Variants in SKIDA1 observed in about 807,000 individuals in gnomAD.
SKIDA1 encodes the protein SKI/DACH domain-containing protein 1.
Under a neutral mutation model 51.4 loss-of-function variants are expected in SKIDA1, and 18 were observed. The ratio of observed to expected loss-of-function variants is 0.35; its 90% confidence interval spans 0.24 to 0.52. The LOEUF (loss-of-function observed/expected upper bound fraction) is 0.52. SKIDA1 is among the 20% of genes least tolerant of loss of function. The pLI is 0.95. For missense variants in SKIDA1, 1,104 were observed against 1,180.6 expected, an observed-to-expected ratio of 0.94 and a Z score of 0.95; for synonymous variants, 579 against 500.5, an observed-to-expected ratio of 1.16 and a Z score of -2.09.
At chr10:21,521,089 A>ACAC (rs71667086) in intron 3 of SKIDA1, among the ~76,000 whole-genome samples, 15 of 48,558 alleles carry the variant, frequency 3.1e-4, no homozygotes, top group South Asian at 1.3e-3. Flanking sequence ...CACACACACA[A>ACAC]ACACAGAATG....
intron 2 of SKIDA1, among the ~76,000 whole-genome samples, chr10:21,521,768 C>A (rs1192718319): frequency 6.6e-6 from 1 of 152,144 alleles, no homozygotes; most frequent in Non-Finnish European, 1.5e-5. Flanking sequence ...AACAAAGCTG[C>A]TTGCAAAAGG....
chr10:21,522,266 A>C (rs1420897721), intron 2 of SKIDA1, among the ~76,000 whole-genome samples: 1,026 of 30,372 alleles, frequency 0.034, 2 homozygotes, highest in East Asian at 0.058. Flanking sequence ...GATCACAGCC[A>C]CCCCCCCCCC....
chr10:21,515,226 G>A lies in SKIDA1; in HGVS notation c.2597C>T (p.Pro866Leu). 1 of 1,613,850 alleles carries A rather than the reference G, an allele frequency of 6.2e-7. No individual in the cohort carries two copies. Among genetic ancestry groups the A allele is most frequent in the Non-Finnish European group, 8.5e-7 (1 of 1,179,848 alleles). ...CTTAGTGGTGTTTAAGGAATACGCC[G>A]GCCACAAATCCCCATCTCTCCCAAT... is the stretch of plus-strand genomic sequence containing the variant. ...LIIGRDGDLWPAYSLNTTKDS... is the reference protein window; with the variant it reads ...LIIGRDGDLWLAYSLNTTKDS... The change falls in exon 4 of 4, where the codon CCG becomes CTG. Residue 866 changes from proline to leucine, a missense_variant. Coordinates refer to ENST00000449193, the MANE Select transcript of SKIDA1 (RefSeq NM_207371.4).
Position 21,525,625 on chromosome 10 carries a change from GGAGGAGA to G in SKIDA1, c.-2203_-2197del, listed in dbSNP as rs2032709280. On this transcript the variant is annotated 5_prime_UTR_variant, in exon 1 of 4. Transcript: ENST00000449193. ...GTCAAGAACCGCAGCAAGAGGAAGG[GGAGGAGA>G]GAGGAGAGGGAGGAGTAAATTCAAC... 6.6e-6 allele frequency: 1 copy of G among 152,484 alleles called. No individual in the cohort carries two copies. Among genetic ancestry groups the G allele is most frequent in the Non-Finnish European group, 1.5e-5 (1 of 68,208 alleles). 9.4% of individuals were successfully genotyped at this position (152,484 alleles called of 1,614,324 possible). A position where few individuals can be genotyped will look rare whatever the true frequency, so the allele number is the denominator to read the frequency against.
intron 3 of SKIDA1, among the ~76,000 whole-genome samples, chr10:21,520,273 A>G (rs909927328): frequency 6.6e-6 from 1 of 152,170 alleles, no homozygotes; most frequent in African/African-American, 2.4e-5. Flanking sequence ...GATCTATTAC[A>G]CCGTGTTTTT....
rs1477002614 is a variant in SKIDA1, at chr10:21,516,917, C to G, written c.906G>C (p.Lys302Asn). The G allele has an allele frequency of 3.4e-6, 4 of 1,169,604 alleles. No individual in the cohort carries two copies. Among genetic ancestry groups the G allele is most frequent in the Non-Finnish European group, 3.2e-6 (3 of 951,424 alleles). 72.5% of individuals were successfully genotyped at this position (1,169,604 alleles called of 1,614,324 possible). ...CCGCCGCCGCCGCCGCCGCCGCCGC[C>G]TTGGCTTTGTAGGACCTGGGCAACA... ...LLLLPRSYKAKAAAAAAAAAA... is the reference protein window; with the variant it reads ...LLLLPRSYKANAAAAAAAAAA... The change falls in exon 4 of 4, where the codon AAG (lysine) becomes AAC (asparagine). Residue 302 changes from lysine (K) to asparagine (N), a missense_variant. Physicochemically the swap from Lys to Asn is moderately conservative, Grantham distance 94. Coordinates refer to ENST00000449193, the MANE Select transcript of SKIDA1 (RefSeq NM_207371.4). This position sits in a 1 kb window ranked among gnomAD's most constrained non-coding sequence, Gnocchi z 5.7.
At position 21,517,915 on chromosome 10, in the gene SKIDA1, C is replaced by A; in HGVS notation, c.-93G>T. On this transcript the variant is annotated 5_prime_UTR_variant, in exon 4 of 4. Transcript: ENST00000449193. The surrounding 1 kb of genome is among the most constrained non-coding windows in gnomAD (Gnocchi z 6.9). ...TATGTTAATCCTCAGCCAGATGCTG[C>A]GTGTGTCTCAAGGCATCCTGCTAAT... The A allele has an allele frequency of 8.5e-7, 1 of 1,179,492 alleles. No individual in the cohort carries two copies. Among genetic ancestry groups the A allele is most frequent in the Non-Finnish European group, 1.2e-6 (1 of 868,944 alleles). 73.1% of individuals were successfully genotyped at this position (1,179,492 alleles called of 1,614,324 possible).
At position 21,517,004 on chromosome 10, in the gene SKIDA1, G is replaced by A; in HGVS notation, c.819C>T (p.Arg273=). 1.8e-6 allele frequency: 2 copies of A among 1,122,210 alleles called. No individual in the cohort carries two copies. The highest frequency in any genetic ancestry group is 2.2e-6 in the Non-Finnish European group (2 of 919,302). 69.5% of individuals were successfully genotyped at this position (1,122,210 alleles called of 1,614,324 possible). ...GPGSLSYRCK[R]KRGGAKDCLL... ...GGCAGTCCTTGGCGCCGCCGCGCTT[G>A]CGCTTGCAGCGGTAGCTCAGGCTCC... is the stretch of plus-strand genomic sequence containing the variant. The change falls in exon 4 of 4, where the codon CGC becomes CGT. Residue 273 remains arginine (R), a synonymous_variant. Coordinates refer to ENST00000449193, the MANE Select transcript of SKIDA1 (RefSeq NM_207371.4). This position sits in a 1 kb window ranked among gnomAD's most constrained non-coding sequence, Gnocchi z 6.9.
At position 21,516,878 on chromosome 10, in the gene SKIDA1, C is replaced by CGGCGGCAGCA; in HGVS notation, c.944_945insTGCTGCCGCC (p.Ala320ArgfsTer122). The CGGCGGCAGCA allele has an allele frequency of 8.7e-7, 1 of 1,151,876 alleles. No homozygotes were observed. Among genetic ancestry groups the CGGCGGCAGCA allele is most frequent in the Non-Finnish European group, 1.1e-6 (1 of 934,640 alleles). The allele number at this position is 1,151,876 out of a possible 1,614,324, so 71.4% of individuals were successfully genotyped here. ...CCAGGCAAGTGGCCCCCGCGGCGGC[C>CGGCGGCAGCA]GCCGCCGCCGCTGCCGCCGCCGCCG... On this transcript the variant is annotated frameshift_variant, in exon 4 of 4. Transcript: ENST00000449193. LOFTEE classifies it high-confidence loss of function. The surrounding 1 kb of genome is among the most constrained non-coding windows in gnomAD (Gnocchi z 5.7).
Position 21,516,122 on chromosome 10 carries a change from A to T in SKIDA1, c.1701T>A (p.Thr567=). 1 of 1,614,036 alleles carries T rather than the reference A, an allele frequency of 6.2e-7. No individual in the cohort carries two copies. The highest frequency in any genetic ancestry group is 8.5e-7 in the Non-Finnish European group (1 of 1,179,898). ...CTGCCAGGCAGTTAATTGTCAGGTCAGTTCTCTTTACAGCATTGGAAATTT... is the reference window on the plus strand; with the variant it reads ...CTGCCAGGCAGTTAATTGTCAGGTCTGTTCTCTTTACAGCATTGGAAATTT... ...HSEISNAVKR[T]DLTINCLAEG... is the part of the protein sequence containing the mutation. Residue 567 remains threonine (T), a synonymous_variant, in exon 4 of 4, where the codon ACT becomes ACA. Coordinates refer to ENST00000449193, the MANE Select transcript of SKIDA1 (RefSeq NM_207371.4). This position sits in a 1 kb window ranked among gnomAD's most constrained non-coding sequence, Gnocchi z 5.7.
Position 21,517,333 on chromosome 10 carries a change from G to A in SKIDA1, c.490C>T (p.Arg164Cys), listed in dbSNP as rs935005454. 2 of 1,424,818 alleles carry A rather than the reference G, an allele frequency of 1.4e-6. No individual in the cohort carries two copies. Among genetic ancestry groups the A allele is most frequent in the African/African-American group, 1.5e-5 (1 of 66,052 alleles). 88.3% of individuals were successfully genotyped at this position (1,424,818 alleles called of 1,614,324 possible). A position where few individuals can be genotyped will look rare whatever the true frequency, so the allele number is the denominator to read the frequency against. The change falls in exon 4 of 4, where the codon CGC becomes TGC. Residue 164 changes from arginine to cysteine, a missense_variant. This residue lies in a region of SKIDA1 where 938 missense variants were observed against 886.4 expected (regional missense o/e 1.06). Coordinates refer to ENST00000449193, the MANE Select transcript of SKIDA1 (RefSeq NM_207371.4). This position sits in a 1 kb window ranked among gnomAD's most constrained non-coding sequence, Gnocchi z 6.9. ...QSQRPGAAAA[R>C]PAAHLPQIFS... The stretch of plus-strand genomic sequence containing the variant: ...ATCTGAGGTAGATGGGCGGCGGGGC[G>A]CGCGGCGGCGGCGCCCGGGCGCTGG...
rs749533809 is a variant in SKIDA1 at position 21,516,890 on chromosome 10, TGCCGCC to T, written c.927_932del (p.Ala317_Ala318del). On this transcript the variant is annotated inframe_deletion, in exon 4 of 4. Coordinates refer to ENST00000449193, the MANE Select transcript of SKIDA1 (RefSeq NM_207371.4). The surrounding 1 kb of genome is among the most constrained non-coding windows in gnomAD (Gnocchi z 5.7). ...CCCCCGCGGCGGCCGCCGCCGCCGC[TGCCGCC>T]GCCGCCGCCGCCGCCGCCGCCTTGG... The T allele has an allele frequency of 5.4e-5, 64 of 1,195,480 alleles. No individual in the cohort carries two copies. Among genetic ancestry groups the T allele is most frequent in the African/African-American group, 3.6e-4 (22 of 60,518 alleles). 74.1% of individuals were successfully genotyped at this position (1,195,480 alleles called of 1,614,324 possible).
rs538468033 is a variant in SKIDA1 at position 21,513,756 on chromosome 10, G to A, written c.*1340C>T. The A allele has an allele frequency of 6.6e-6, 1 of 152,504 alleles. No individual in the cohort carries two copies. The highest frequency in any genetic ancestry group is 6.5e-5 in the Admixed American group (1 of 15,298). The allele number at this position is 152,504 out of a possible 1,614,324, so 9.4% of individuals were successfully genotyped here. A position where few individuals can be genotyped will look rare whatever the true frequency, so the allele number is the denominator to read the frequency against. ...TTAGAGAGATGCAGAAAAAGTATAA[G>A]GTCATAAAATCCAAGTGCCTGAGTT... On this transcript the variant is annotated 3_prime_UTR_variant, in exon 4 of 4. Coordinates refer to ENST00000449193, the MANE Select transcript of SKIDA1 (RefSeq NM_207371.4).
chr10:21,525,482 T>G (rs1274885568), intron 1 of SKIDA1, 65 bp downstream of exon 1: 1 of 152,212 alleles, frequency 6.6e-6, no homozygotes, highest in Non-Finnish European at 1.5e-5. Context: ...CGCGACTTTT[T>G]ACTGCCCTCC....
intron 3 of SKIDA1, among the ~76,000 whole-genome samples, chr10:21,520,801 T>C (rs945785668): frequency 2.0e-5 from 3 of 150,708 alleles, no homozygotes; most frequent in African/African-American, 7.3e-5. Flanking sequence ...TATTAAGTTA[T>C]TTTTTTTTAA....
intron 2 of SKIDA1, among the ~76,000 whole-genome samples, chr10:21,522,315 G>A (rs1268462479): frequency 3.1e-5 from 3 of 96,226 alleles, no homozygotes; most frequent in Admixed American, 1.6e-4. Context: ...CACCATATAC[G>A]TTTGTTTTAG....
Position 21,517,090 on chromosome 10 carries a change from AGGCGGCGGC to A in SKIDA1, c.724_732del (p.Ala242_Ala244del), listed in dbSNP as rs528652346. The stretch of plus-strand genomic sequence containing the variant: ...GGCCCGGCCGCCGATACCTGGTAAT[AGGCGGCGGC>A]GGCGGCGGCGGCGGCGGCGGCAGCA... On this transcript the variant is annotated inframe_deletion, in exon 4 of 4. Coordinates refer to ENST00000449193, the MANE Select transcript of SKIDA1 (RefSeq NM_207371.4). The surrounding 1 kb of genome is among the most constrained non-coding windows in gnomAD (Gnocchi z 6.9). 294 of 986,142 alleles carry A rather than the reference AGGCGGCGGC, an allele frequency of 3.0e-4. 21 individuals are homozygous for A. Among genetic ancestry groups the A allele is most frequent in the East Asian group, 2.8e-3 (22 of 7,984 alleles). The allele number at this position is 986,142 out of a possible 1,614,324, so 61.1% of individuals were successfully genotyped here. A position where few individuals can be genotyped will look rare whatever the true frequency, so the allele number is the denominator to read the frequency against.
rs2032102007 is a variant in SKIDA1, at chr10:21,513,733, A to G, written c.*1363T>C. On this transcript the variant is annotated 3_prime_UTR_variant, in exon 4 of 4. Transcript: ENST00000449193. ...AGGATGGTCTGAAAACACAAGTTTT[A>G]GAGAGATGCAGAAAAAGTATAAGGT... 1 of 152,516 alleles carries G rather than the reference A, an allele frequency of 6.6e-6. No individual in the cohort carries two copies. The highest frequency in any genetic ancestry group is 2.1e-4 in the South Asian group (1 of 4,834). The allele number at this position is 152,516 out of a possible 1,614,324, so 9.4% of individuals were successfully genotyped here. A position where few individuals can be genotyped will look rare whatever the true frequency, so the allele number is the denominator to read the frequency against.
Position 21,515,549 on chromosome 10 carries a change from T to C in SKIDA1, c.2274A>G (p.Ser758=). 1 of 1,614,030 alleles carries C rather than the reference T, an allele frequency of 6.2e-7. No individual in the cohort carries two copies. The highest frequency in any genetic ancestry group is 1.6e-4 in the Middle Eastern group (1 of 6,062). Residue 758 remains serine, a synonymous_variant, in exon 4 of 4, where the codon TCA becomes TCG. Transcript: ENST00000449193. ...CAGGTTTTGGAGAACCTAAAGTGCATGAAAGGCCCTGACTTTGAGCCAGTG... is the reference window on the plus strand; with the variant it reads ...CAGGTTTTGGAGAACCTAAAGTGCACGAAAGGCCCTGACTTTGAGCCAGTG... ...LNPLAQSQGL[S]CTLGSPKPED...
Sources: gnomAD v4.1 joint callset for allele counts (sites outside exome capture counted in the v4.1 genomes callset) on GRCh38, gnomAD v4.1.1 for gene constraint, gnomAD v4.1.1 regional missense constraint, Gnocchi (gnomAD v3.1) non-coding constraint, MANE v1.5 for transcripts, NCBI Gene and HGNC (gene_info 2026-07-23, HGNC 2026-07-21) for gene names.